Variants in NFIB observed in about 807,000 individuals in gnomAD.
NFIB encodes the protein nuclear factor I B.
A neutral mutation model predicts 61.5 loss-of-function variants in NFIB; 11 were observed. The observed-to-expected ratio is 0.18, with a 90% CI of 0.11 to 0.30. NFIB has a LOEUF of 0.30. Ranked by LOEUF, NFIB falls within the 10% of genes least tolerant of loss-of-function variation. The pLI is 1.00. For missense variants in NFIB, 471 were observed against 608.9 expected (o/e 0.77, Z 2.38); for synonymous variants, 260 against 216.5 (o/e 1.20, Z -1.76).
the NFIB span, among the ~76,000 whole-genome samples, chr9:14,529,476 C>T: frequency 5.9e-5 from 9 of 152,184 alleles, no homozygotes; most frequent in African/African-American, 2.2e-4. Flanking sequence ...TCACAATAAA[C>T]GAGTTTGTAA....
chr9:14,411,949 G>A, the NFIB span, among the ~76,000 whole-genome samples: 1 of 152,136 alleles, frequency 6.6e-6, no homozygotes, highest in African/African-American at 2.4e-5. Flanking sequence ...AGGCCTATGT[G>A]GTAAAGAACA....
intron 2 of NFIB, among the ~76,000 whole-genome samples, chr9:14,238,437 T>C (rs1193504674): frequency 1.3e-5 from 2 of 152,106 alleles, no homozygotes; most frequent in Non-Finnish European, 2.9e-5. Flanking sequence ...TTAAAAGCAG[T>C]TGATGCTTTC....
At chr9:14,279,399 A>G (rs901660296) in intron 2 of NFIB, among the ~76,000 whole-genome samples, 1 of 152,104 alleles carries the variant, frequency 6.6e-6, no homozygotes, top group Non-Finnish European at 1.5e-5. Context: ...TTTCACACAA[A>G]CATTTTACCT....
At chr9:14,178,893 G>A (rs972433853) in intron 3 of NFIB, among the ~76,000 whole-genome samples, 5 of 152,040 alleles carry the variant, frequency 3.3e-5, no homozygotes, top group Admixed American at 1.3e-4. Flanking sequence ...TATTTTCAAC[G>A]AAAGGACAGA....
chr9:14,133,858 C>A (rs1471259066), intron 6 of NFIB, among the ~76,000 whole-genome samples: 1 of 152,128 alleles, frequency 6.6e-6, no homozygotes, highest in Non-Finnish European at 1.5e-5. Flanking sequence ...GCAATCCTTA[C>A]TTTAACAGGT....
chr9:14,242,036 C>G (rs1270934390), intron 2 of NFIB, among the ~76,000 whole-genome samples: 6 of 152,048 alleles, frequency 3.9e-5, no homozygotes, highest in Admixed American at 3.3e-4. Flanking sequence ...AAAAAAATTC[C>G]AGAAGTTAAG....
At position 14,265,035 on chromosome 9, in the gene NFIB, G is replaced by C. The variant is rs374123588; in HGVS notation, c.562+41954C>G. ...AGAGATTCAGGGGACAACATGAGAC[G>C]CTCTGCAAGATCAGTCATGAGAACA... is the stretch of plus-strand genomic sequence containing the variant. On this transcript the variant is annotated intron_variant, in intron 2 of 10. Coordinates refer to ENST00000380953, the MANE Select transcript of NFIB (RefSeq NM_001190737.2). 6.6e-5 allele frequency among the ~76,000 whole-genome samples: 10 copies of C among 152,222 alleles called. No individual in the cohort carries two copies. In the East Asian group the frequency reaches 1.4e-3, roughly 21 times the overall value.
chr9:14,451,083 C>T, the NFIB span, among the ~76,000 whole-genome samples: 1 of 152,212 alleles, frequency 6.6e-6, no homozygotes, highest in African/African-American at 2.4e-5. Context: ...AAGCCTGAAT[C>T]CAGGTCTGCT....
intron 2 of NFIB, among the ~76,000 whole-genome samples, chr9:14,225,256 T>C (rs2052219934): frequency 6.6e-6 from 1 of 151,808 alleles, no homozygotes; most frequent in Non-Finnish European, 1.5e-5. Flanking sequence ...TATAAAAAAA[T>C]ATATAAATCC....
chr9:14,408,282 T>C, the NFIB span, among the ~76,000 whole-genome samples: 2 of 152,220 alleles, frequency 1.3e-5, no homozygotes, highest in Non-Finnish European at 2.9e-5. Context: ...TATACAGATA[T>C]ACCTGAATCT....
At chr9:14,315,098 G>C (rs1281284322), upstream of NFIB, among the ~76,000 whole-genome samples, 3 of 152,042 alleles carry the variant, frequency 2.0e-5, no homozygotes, top group Non-Finnish European at 4.4e-5. Context: ...CGAGCAGGCG[G>C]GGACCTGAGC....
At chr9:14,262,778 GTTTA>G (rs1023744353) in intron 2 of NFIB, among the ~76,000 whole-genome samples, 14 of 151,786 alleles carry the variant, frequency 9.2e-5, no homozygotes, top group Admixed American at 2.6e-4. Context: ...TTTGTTTTTT[GTTTA>G]TTTGTTTGTT....
upstream of NFIB, among the ~76,000 whole-genome samples, chr9:14,315,734 A>G (rs909939019): frequency 2.0e-5 from 3 of 148,668 alleles, no homozygotes; most frequent in Admixed American, 6.6e-5. Context: ...CCCTTTCTGC[A>G]CCCCCCGCCC....
the NFIB span, among the ~76,000 whole-genome samples, chr9:14,522,906 T>C: frequency 2.0e-5 from 3 of 152,180 alleles, no homozygotes; most frequent in South Asian, 6.2e-4. Context: ...GAAGGGAGAA[T>C]GGTGCTCCTG....
chr9:14,167,980 G>A (rs1053534788), intron 3 of NFIB, among the ~76,000 whole-genome samples: 1 of 152,170 alleles, frequency 6.6e-6, no homozygotes, highest in Admixed American at 6.5e-5. Flanking sequence ...ACAATTCTCA[G>A]TCAGATACCT....
intron 2 of NFIB, among the ~76,000 whole-genome samples, chr9:14,236,932 C>G (rs1668932803): frequency 6.6e-6 from 1 of 151,900 alleles, no homozygotes; most frequent in Non-Finnish European, 1.5e-5. Flanking sequence ...AAGTTCTTTC[C>G]TAACCCCTTA....
chr9:14,120,683 C>T lies in NFIB; in HGVS notation c.1061-59G>A, dbSNP rs996964564. 23 of 1,486,914 alleles carry T rather than the reference C, an allele frequency of 1.5e-5. No individual in the cohort carries two copies. In the African/African-American group the frequency reaches 2.5e-4, roughly 16 times the overall value. The allele number at this position is 1,486,914 out of a possible 1,614,324, so 92.1% of individuals were successfully genotyped here. A position where few individuals can be genotyped will look rare whatever the true frequency, so the allele number is the denominator to read the frequency against. ...CAGCTGGTTACCTTATTGCTCCATTCTGATCCTGAAGAATGCTGTGAAACT... is the reference window on the plus strand; with the variant it reads ...CAGCTGGTTACCTTATTGCTCCATTTTGATCCTGAAGAATGCTGTGAAACT... On this transcript the variant is annotated intron_variant, in intron 7 of 10. Coordinates refer to ENST00000380953, the MANE Select transcript of NFIB (RefSeq NM_001190737.2). This position sits in a 1 kb window ranked among gnomAD's most constrained non-coding sequence, Gnocchi z 4.4.
chr9:14,481,383 C>T, the NFIB span, among the ~76,000 whole-genome samples: 1 of 150,352 alleles, frequency 6.7e-6, no homozygotes. Flanking sequence ...CTCACTTCCC[C>T]ATTTCCCTCC....
chr9:14,093,421 A>C (rs1282689904), intron 10 of NFIB: 1 of 152,118 alleles, frequency 6.6e-6, no homozygotes, highest in African/African-American at 2.4e-5. Context: ...AAAATATTAC[A>C]GGAAAAAAGC....
Sources: allele counts gnomAD v4.1 joint callset (sites outside exome capture counted in the v4.1 genomes callset), GRCh38; gene constraint gnomAD v4.1.1; non-coding constraint Gnocchi (gnomAD v3.1); transcripts MANE v1.5; gene names NCBI Gene and HGNC (gene_info 2026-07-23, HGNC 2026-07-21).